The following NRXN3 variants were observed in gnomAD, a reference collection of about 807,000 sequenced individuals.
The protein encoded by NRXN3 is neurexin III.
In NRXN3, 32 loss-of-function variants were observed where a neutral mutation model predicts 137.6. The ratio of observed to expected loss-of-function variants is 0.23; its 90% CI spans 0.18 to 0.31. The LOEUF is 0.31. Among genes scored for constraint, NRXN3 ranks in the 10% least tolerant of loss-of-function variants. The pLI, the probability that NRXN3 is intolerant of heterozygous loss-of-function variation, is 1.00. For missense variants in NRXN3, 1,574 were observed against 2,062.5 expected (o/e 0.76, Z 4.59); for synonymous variants, 798 against 784.5 (o/e 1.02, Z -0.29).
rs768787920 is a variant in NRXN3 at position 79,707,843 on chromosome 14, GAGA to G, written c.4014+9912_4014+9914del. ...ATGAATTAGAAGAAGTAAAAGAAAG[GAGA>G]AGAAGTAAAAGAAAGGAAAAATTGA... On this transcript the variant is annotated intron_variant, in intron 19 of 20. Coordinates refer to ENST00000335750, the MANE Select transcript of NRXN3 (RefSeq NM_001330195.2). Among the ~76,000 whole-genome samples the G allele has an allele frequency of 3.0e-4, 46 of 151,816 alleles. No homozygotes were observed. The East Asian group carries it at 7.0e-3, about 23-fold the overall frequency.
intron 20 of NRXN3, among the ~76,000 whole-genome samples, chr14:79,823,459 C>G (rs145633073): frequency 6.6e-6 from 1 of 152,190 alleles, no homozygotes; most frequent in East Asian, 1.9e-4. Flanking sequence ...GCCTATAGTT[C>G]CAGCTACTTG....
chr14:78,562,312 G>T (rs1340393087), intron 4 of NRXN3, among the ~76,000 whole-genome samples: 1 of 148,712 alleles, frequency 6.7e-6, no homozygotes, highest in Non-Finnish European at 1.5e-5. Flanking sequence ...CAGAGGAATC[G>T]CTTGAACCCA....
chr14:79,743,566 G>C (rs1383169614), intron 19 of NRXN3, among the ~76,000 whole-genome samples: 1 of 152,148 alleles, frequency 6.6e-6, no homozygotes, highest in Non-Finnish European at 1.5e-5. Context: ...GAGAAATAAA[G>C]ATTTTTAAAA....
chr14:78,920,024 A>G (rs911014542), intron 10 of NRXN3, among the ~76,000 whole-genome samples: 1 of 152,184 alleles, frequency 6.6e-6, no homozygotes, highest in Non-Finnish European at 1.5e-5. Flanking sequence ...AGAAGTTGAA[A>G]TTTTCTTTAT....
intron 15 of NRXN3, among the ~76,000 whole-genome samples, chr14:79,304,796 T>C (rs990753789): frequency 2.0e-5 from 3 of 152,074 alleles, no homozygotes; most frequent in Non-Finnish European, 4.4e-5. Flanking sequence ...TCTTGCACCA[T>C]TGAAGCATTC....
intron 15 of NRXN3, among the ~76,000 whole-genome samples, chr14:79,251,302 G>T (rs2075889703): frequency 6.6e-6 from 1 of 152,154 alleles, no homozygotes; most frequent in South Asian, 2.1e-4. Context: ...ACTAGGGAAT[G>T]AACAGCACTC....
At chr14:78,388,739 G>C (rs2090343971) in intron 4 of NRXN3, among the ~76,000 whole-genome samples, 1 of 151,868 alleles carries the variant, frequency 6.6e-6, no homozygotes, top group Non-Finnish European at 1.5e-5. Flanking sequence ...GAAGTACAAA[G>C]GAAGTAAAAA....
At chr14:78,527,971 G>A (rs1199449379) in intron 4 of NRXN3, among the ~76,000 whole-genome samples, 3 of 152,196 alleles carry the variant, frequency 2.0e-5, no homozygotes, top group Non-Finnish European at 4.4e-5. Context: ...GAAGGATAAC[G>A]AGAAGAAAAG....
At chr14:78,755,782 A>G (rs975832513) in intron 8 of NRXN3, among the ~76,000 whole-genome samples, 4 of 152,234 alleles carry the variant, frequency 2.6e-5, no homozygotes, top group African/African-American at 9.6e-5. Flanking sequence ...TTTCTCAAGT[A>G]TACTATAGCT....
chr14:78,731,869 A>C (rs2098517470), intron 8 of NRXN3, among the ~76,000 whole-genome samples: 1 of 78,616 alleles, frequency 1.3e-5, no homozygotes. Flanking sequence ...TCAAATCATA[A>C]AATCTTGAAA....
intron 4 of NRXN3, among the ~76,000 whole-genome samples, chr14:78,320,763 T>C (rs1223753439): frequency 6.6e-6 from 1 of 152,148 alleles, no homozygotes; most frequent in African/African-American, 2.4e-5. Flanking sequence ...AGAGCTGCTT[T>C]TGTTCCCATT....
intron 17 of NRXN3, among the ~76,000 whole-genome samples, chr14:79,691,727 T>C (rs1181114871): frequency 6.6e-6 from 1 of 152,060 alleles, no homozygotes; most frequent in Non-Finnish European, 1.5e-5. Context: ...CATGGCCCTA[T>C]GTTTCTGATG....
chr14:79,538,665 A>G (rs2097239969), intron 16 of NRXN3, among the ~76,000 whole-genome samples: 1 of 152,142 alleles, frequency 6.6e-6, no homozygotes, highest in South Asian at 2.1e-4. Context: ...ATAGTTTGCA[A>G]CATTTTTCTC....
At chr14:78,871,718 G>C (rs1195815505) in intron 10 of NRXN3, among the ~76,000 whole-genome samples, 1 of 152,086 alleles carries the variant, frequency 6.6e-6, no homozygotes, top group Non-Finnish European at 1.5e-5. Flanking sequence ...TGGACATCCA[G>C]TCTCTATTTA....
At chr14:79,299,036 G>C (rs1327115515) in intron 15 of NRXN3, 2 of 152,248 alleles carry the variant, frequency 1.3e-5, no homozygotes, top group Non-Finnish European at 2.9e-5. Context: ...CACAGGAACT[G>C]CTAGGCCACA....
chr14:78,870,128 T>G (rs542755647), intron 10 of NRXN3, among the ~76,000 whole-genome samples: 1 of 152,256 alleles, frequency 6.6e-6, no homozygotes, highest in African/African-American at 2.4e-5. Flanking sequence ...AGTGGGGCAG[T>G]TCTTACTAAA....
chr14:78,439,207 G>A (rs759677287), intron 4 of NRXN3, among the ~76,000 whole-genome samples: 1 of 152,078 alleles, frequency 6.6e-6, no homozygotes, highest in Non-Finnish European at 1.5e-5. Flanking sequence ...CCAGAGGAGG[G>A]AAGAATAGTT....
intron 18 of NRXN3, among the ~76,000 whole-genome samples, chr14:79,693,163 G>A (rs1401642196): frequency 6.6e-6 from 1 of 151,936 alleles, no homozygotes; most frequent in Non-Finnish European, 1.5e-5. Flanking sequence ...TCTCTAAGAA[G>A]ATACGTATTC....
chr14:79,754,888 C>T (rs1015390218), intron 19 of NRXN3, among the ~76,000 whole-genome samples: 15 of 152,046 alleles, frequency 9.9e-5, no homozygotes, highest in Admixed American at 3.3e-4. Context: ...CTTCCCCCTT[C>T]GCTCTGCTCT....
Sources: gnomAD v4.1 joint callset for allele counts (sites outside exome capture counted in the v4.1 genomes callset) on GRCh38, gnomAD v4.1.1 for gene constraint, MANE v1.5 for transcripts, NCBI Gene and HGNC (gene_info 2026-07-23, HGNC 2026-07-21) for gene names.